ARHGEF4: variants seen among roughly 807,000 people sequenced by gnomAD.
ARHGEF4 encodes the protein Rho guanine nucleotide exchange factor 4, also known as APC-stimulated guanine nucleotide exchange factor 1.
Under a neutral mutation model 162.0 loss-of-function variants are expected in ARHGEF4, and 119 were observed. The observed-to-expected ratio is 0.73, with a 90% CI of 0.63 to 0.86. The LOEUF is 0.86. Among genes scored for constraint, ARHGEF4 ranks in the 40% least tolerant of loss-of-function variants. The pLI, the probability that ARHGEF4 is intolerant of heterozygous loss-of-function variation, is 0.00. For missense variants in ARHGEF4, 2,488 were observed against 2,456.0 expected (o/e 1.01, Z -0.28); for synonymous variants, 1,014 against 979.9 (o/e 1.03, Z -0.65).
chr2:130,915,988 G>A lies in ARHGEF4; in HGVS notation c.2042G>A (p.Gly681Glu), dbSNP rs1681461757. The A allele has an allele frequency of 1.9e-6, 3 of 1,550,542 alleles. No homozygotes were observed. Among genetic ancestry groups the A allele is most frequent in the Non-Finnish European group, 2.6e-6 (3 of 1,146,978 alleles). ...GETPCESPTR[G>E]KTPAGNECEL... is the part of the protein sequence containing the mutation. ...ACCCCCTGTGAGTCTCCCACTAGGGGGAAAACACCAGCCGGTAATGAGTGT... is the reference window on the plus strand; with the variant it reads ...ACCCCCTGTGAGTCTCCCACTAGGGAGAAAACACCAGCCGGTAATGAGTGT... Residue 681 changes from glycine to glutamate, a missense_variant, in exon 2 of 14, where the codon GGG (glycine) becomes GAG (glutamate). This residue lies in a region of ARHGEF4 where 1,642 missense variants were observed against 1,481.5 expected (regional missense o/e 1.11). Coordinates refer to ENST00000409359, the MANE Select transcript of ARHGEF4 (RefSeq NM_001367493.1).
In ARHGEF4 at chr2:131,040,412, G is replaced by A; in HGVS notation, c.4634G>A (p.Ser1545Asn). ...QRFNRERPHLSELGACFLEHQ... is the reference protein window; with the variant it reads ...QRFNRERPHLNELGACFLEHQ... ...TTCAACCGCGAGCGCCCACACCTGA[G>A]CGAGCTGGGTGCCTGCTTCCTGGAG... The change falls in exon 8 of 14, where the codon AGC becomes AAC. Residue 1545 changes from serine (S) to asparagine (N), a missense_variant. Transcript: ENST00000409359. 1 of 1,602,616 alleles carries A rather than the reference G, an allele frequency of 6.2e-7. No individual in the cohort carries two copies. Among genetic ancestry groups the A allele is most frequent in the Non-Finnish European group, 8.5e-7 (1 of 1,174,936 alleles).
At chr2:130,938,263 G>GCTGTACC (rs1683083081) in intron 3 of ARHGEF4, among the ~76,000 whole-genome samples, 1 of 152,094 alleles carries the variant, frequency 6.6e-6, no homozygotes, top group Admixed American at 6.5e-5. Context: ...TTTCGAGAGG[G>GCTGTACC]CTGTACCATT....
At chr2:130,949,503 G>A (rs926705812) in intron 4 of ARHGEF4, among the ~76,000 whole-genome samples, 4 of 150,452 alleles carry the variant, frequency 2.7e-5, no homozygotes, top group African/African-American at 7.3e-5. Flanking sequence ...ACAGGGGCCC[G>A]CCACCACGCC....
intron 3 of ARHGEF4, among the ~76,000 whole-genome samples, chr2:130,940,768 C>A (rs1683242408): frequency 6.9e-6 from 1 of 144,856 alleles, no homozygotes; most frequent in Non-Finnish European, 1.5e-5. Context: ...GGAGGCAGAG[C>A]TTGCAGTGAG....
intron 1 of ARHGEF4, among the ~76,000 whole-genome samples, chr2:130,846,316 C>T (rs904030745): frequency 6.6e-6 from 1 of 152,230 alleles, no homozygotes; most frequent in African/African-American, 2.4e-5. Flanking sequence ...TCATCTGAGA[C>T]CCCCACAACC....
intron 1 of ARHGEF4, among the ~76,000 whole-genome samples, chr2:130,884,318 A>C (rs72855930): frequency 0.02 from 3,001 of 152,072 alleles, 85 homozygotes; most frequent in East Asian, 0.099. Flanking sequence ...ACACACACAC[A>C]CCCACACTAT....
chr2:130,992,390 C>G lies in ARHGEF4; in HGVS notation c.3986-35555C>G, dbSNP rs55740276. ...CATGCTGCTTTTAAGAGCTGTAACG[C>G]TCACCGCGAAGGTCTGTAGCTTCAC... On this transcript the variant is annotated intron_variant, in intron 4 of 13. Transcript: ENST00000409359. Among the ~76,000 whole-genome samples the G allele has an allele frequency of 3.0e-3, 460 of 152,280 alleles. 2 individuals carry two copies. Among genetic ancestry groups the G allele is most frequent in the Non-Finnish European group, 4.3e-3 (294 of 68,032 alleles).
intron 4 of ARHGEF4, among the ~76,000 whole-genome samples, chr2:130,998,132 CAA>C (rs895536781): frequency 6.6e-6 from 1 of 152,212 alleles, no homozygotes; most frequent in Non-Finnish European, 1.5e-5. Context: ...ATGCAAATCA[CAA>C]GTCTTTTTCA....
intron 4 of ARHGEF4, among the ~76,000 whole-genome samples, chr2:131,004,115 T>C (rs962040862): frequency 1.3e-5 from 2 of 152,106 alleles, no homozygotes; most frequent in Non-Finnish European, 2.9e-5. Flanking sequence ...GGTGCAGGCC[T>C]TCCATATGCC....
chr2:130,951,073 A>G (rs1683930929), intron 4 of ARHGEF4, among the ~76,000 whole-genome samples: 1 of 152,220 alleles, frequency 6.6e-6, no homozygotes, highest in South Asian at 2.1e-4. Flanking sequence ...ATACAATTGG[A>G]AAAAGTTAAG....
chr2:130,997,502 G>A (rs956718656), intron 4 of ARHGEF4, among the ~76,000 whole-genome samples: 2 of 152,152 alleles, frequency 1.3e-5, no homozygotes, highest in Non-Finnish European at 2.9e-5. Context: ...GTAAACAGCA[G>A]CAGGCATCAC....
intron 4 of ARHGEF4, among the ~76,000 whole-genome samples, chr2:130,981,259 G>A (rs1686097642): frequency 6.6e-6 from 1 of 151,950 alleles, no homozygotes; most frequent in Non-Finnish European, 1.5e-5. Context: ...GAAATGCATA[G>A]GAAACAAAAT....
intron 4 of ARHGEF4, among the ~76,000 whole-genome samples, chr2:130,992,124 T>C (rs527310060): frequency 2.3e-4 from 35 of 152,226 alleles, no homozygotes; most frequent in Middle Eastern, 3.4e-3. Context: ...CTAACTAATC[T>C]GATGGGGACG....
At chr2:131,045,067 C>A (rs147190009) in intron 12 of ARHGEF4, among the ~76,000 whole-genome samples, 1 of 152,174 alleles carries the variant, frequency 6.6e-6, no homozygotes, top group Non-Finnish European at 1.5e-5. Context: ...TGGGAAGGAG[C>A]CTCCACTGCA....
intron 4 of ARHGEF4, among the ~76,000 whole-genome samples, chr2:130,977,992 G>A (rs1685868119): frequency 6.6e-6 from 1 of 152,184 alleles, no homozygotes; most frequent in African/African-American, 2.4e-5. Context: ...TGAGAAAATA[G>A]GGCCTAGGGA....
chr2:131,039,295 A>C (rs1573696850), intron 6 of ARHGEF4: 1 of 1,255,610 alleles, frequency 8.0e-7, no homozygotes, highest in Non-Finnish European at 1.0e-6. Context: ...CCTCTGCGAT[A>C]CCCCCGCAAC....
At chr2:131,033,767 G>A (rs191321257) in intron 5 of ARHGEF4, among the ~76,000 whole-genome samples, 2 of 152,184 alleles carry the variant, frequency 1.3e-5, no homozygotes, top group African/African-American at 2.4e-5. Flanking sequence ...CAGGCGGATG[G>A]GCCCAGGCTG....
intron 3 of ARHGEF4, among the ~76,000 whole-genome samples, chr2:130,944,741 C>CTTGG (rs1359924848): frequency 6.6e-6 from 1 of 152,116 alleles, no homozygotes; most frequent in African/African-American, 2.4e-5. Flanking sequence ...ACTGTGTCTT[C>CTTGG]TTGGTGTTGC....
chr2:131,014,889 G>A (rs1688679804), intron 4 of ARHGEF4, among the ~76,000 whole-genome samples: 1 of 152,124 alleles, frequency 6.6e-6, no homozygotes, highest in South Asian at 2.1e-4. Context: ...TAGGCAGAAC[G>A]GCTAGAGACC....
Sources: allele counts gnomAD v4.1 joint callset (sites outside exome capture counted in the v4.1 genomes callset), GRCh38; gene constraint gnomAD v4.1.1; regional missense constraint gnomAD v4.1.1; transcripts MANE v1.5; gene names NCBI Gene and HGNC (gene_info 2026-07-23, HGNC 2026-07-21).